Variants in ANKRD16 observed in about 807,000 individuals in gnomAD.
ANKRD16 encodes ankyrin repeat domain 16, also known as ankyrin repeat domain-containing protein 16.
In ANKRD16, 35 loss-of-function variants were observed where a neutral mutation model predicts 37.9. The observed-to-expected ratio is 0.92, with a 90% CI of 0.71 to 1.23. The LOEUF (loss-of-function observed/expected upper bound fraction) is 1.23. ANKRD16 is among the 50% of genes most tolerant of loss of function. ANKRD16 has a pLI of 0.00. For synonymous variants in ANKRD16, 206 were observed against 197.2 expected, an observed-to-expected ratio of 1.04 and a Z score of -0.37; for missense variants, 480 against 469.9, an observed-to-expected ratio of 1.02 and a Z score of -0.20.
rs187558401 is a variant in ANKRD16, at chr10:5,866,678, C to A, written c.*34-3987G>T. ...AACCCAAGGAGGTGGCAGTCTTACA[C>A]CGCCGAAGCCATCAAAAAGGGGAAG... On this transcript the variant is annotated intron_variant, in intron 7 of 7. Transcript: ENST00000380094. This position sits in a 1 kb window ranked among gnomAD's most constrained non-coding sequence, Gnocchi z 4.3. Among the ~76,000 whole-genome samples, 1,161 of 152,328 alleles carry A rather than the reference C, an allele frequency of 7.6e-3. 14 individuals are homozygous for A. The highest frequency in any genetic ancestry group is 0.027 in the African/African-American group (1,111 of 41,548).
Position 5,863,424 on chromosome 10 carries a change from C to T in ANKRD16, c.*34-733G>A, listed in dbSNP as rs1841968342. 6.6e-6 allele frequency among the ~76,000 whole-genome samples: 1 copy of T among 151,990 alleles called. No individual in the cohort carries two copies. The highest frequency in any genetic ancestry group is 2.1e-4 in the South Asian group (1 of 4,822). ...GTGTAGCTAAAGGATTGTAAATGCA[C>T]CAATCAGCACTCTGTAAAAATGTAC... On this transcript the variant is annotated intron_variant, in intron 7 of 7. Coordinates refer to ENST00000380094, the MANE Select transcript of ANKRD16 (RefSeq NM_019046.3). The surrounding 1 kb of genome is among the most constrained non-coding windows in gnomAD (Gnocchi z 4.7).
chr10:5,881,962 C>G (rs1417218560), intron 5 of ANKRD16, among the ~76,000 whole-genome samples: 3 of 152,074 alleles, frequency 2.0e-5, no homozygotes, highest in Non-Finnish European at 2.9e-5. Flanking sequence ...GCTGGGATTA[C>G]AGGCTTGAGC....
At chr10:5,884,149 T>A in intron 3 of ANKRD16, 72 bp from the exon 4 acceptor site, 1 of 1,148,160 alleles carries the variant, frequency 8.7e-7, no homozygotes, top group Non-Finnish European at 1.3e-6. Context: ...TGACACCTGA[T>A]CACCTGCAGG....
intron 1 of ANKRD16, 41 bp downstream of exon 1, chr10:5,889,000 G>A: frequency 2.7e-6 from 4 of 1,479,124 alleles, no homozygotes; most frequent in Non-Finnish European, 3.6e-6. Flanking sequence ...ACGACTCTGC[G>A]AGTAGAGGGG....
In ANKRD16 at chr10:5,865,748, C is replaced by T. The variant is rs1263580072; in HGVS notation, c.*34-3057G>A. The stretch of plus-strand genomic sequence containing the variant: ...TAGCCAAAGCTGGAGCTATTATCTA[C>T]ATGAATATGGGGAACGAGTTACTGA... On this transcript the variant is annotated intron_variant, in intron 7 of 7. Coordinates refer to ENST00000380094, the MANE Select transcript of ANKRD16 (RefSeq NM_019046.3). This position sits in a 1 kb window ranked among gnomAD's most constrained non-coding sequence, Gnocchi z 4.7. 6.6e-6 allele frequency among the ~76,000 whole-genome samples: 1 copy of T among 152,220 alleles called. No homozygotes were observed. Among genetic ancestry groups the T allele is most frequent in the African/African-American group, 2.4e-5 (1 of 41,456 alleles).
rs1362919447 is a variant in ANKRD16, at chr10:5,863,621, C to G, written c.*34-930G>C. Among the ~76,000 whole-genome samples the G allele has an allele frequency of 6.6e-6, 1 of 151,992 alleles. No individual in the cohort carries two copies. Among genetic ancestry groups the G allele is most frequent in the African/African-American group, 2.4e-5 (1 of 41,358 alleles). ...CAGCAGCAGCAACCCACTTGGGTCC[C>G]CTTCCACACTGTGGAAGCTTTGTTC... On this transcript the variant is annotated intron_variant, in intron 7 of 7. Coordinates refer to ENST00000380094, the MANE Select transcript of ANKRD16 (RefSeq NM_019046.3). The surrounding 1 kb of genome is among the most constrained non-coding windows in gnomAD (Gnocchi z 4.7).
At chr10:5,884,168 G>A (rs7919785) in intron 3 of ANKRD16, 91 bp from the exon 4 acceptor site, 407,727 of 909,292 alleles carry the variant, frequency 0.45, 96,235 homozygotes, top group African/African-American at 0.56. Context: ...GGTGAACTGC[G>A]TGTGTGCAAA....
At chr10:5,888,918 G>T (rs948836999) in intron 1 of ANKRD16, 123 bp downstream of exon 1, 1 of 1,120,914 alleles carries the variant, frequency 8.9e-7, no homozygotes, top group Non-Finnish European at 1.2e-6. Flanking sequence ...CGCTGAGCAG[G>T]CCTGGGGTGA....
chr10:5,889,320 C>G lies in ANKRD16; in HGVS notation c.35G>C (p.Arg12Thr). ...AQPGDPRRLC[R>T]LVQEGRLRAL... is the part of the protein sequence containing the mutation. Reference sequence around the variant, plus strand: ...GCGCAGCCGGCCCTCCTGCACCAGCCTGCAGAGGCGCCGCGGGTCCCCGGG... The same window carrying G: ...GCGCAGCCGGCCCTCCTGCACCAGCGTGCAGAGGCGCCGCGGGTCCCCGGG... Residue 12 changes from arginine to threonine, a missense_variant, in exon 1 of 8, where the codon AGG (arginine) becomes ACG (threonine). Physicochemically the swap from Arg to Thr is moderately conservative, Grantham distance 71 (BLOSUM62 -1). Transcript: ENST00000380094. 7.8e-7 allele frequency: 1 copy of G among 1,274,392 alleles called. No homozygotes were observed. Among genetic ancestry groups the G allele is most frequent in the South Asian group, 2.8e-5 (1 of 35,800 alleles). 78.9% of individuals were successfully genotyped at this position (1,274,392 alleles called of 1,614,324 possible).
chr10:5,881,497 A>C (rs1842316468), intron 5 of ANKRD16, among the ~76,000 whole-genome samples: 1 of 105,658 alleles, frequency 9.5e-6, no homozygotes, highest in Non-Finnish European at 1.9e-5. Flanking sequence ...ATGTAGTCTC[A>C]CTCTGTTGCT....
In ANKRD16 at chr10:5,889,785, G is replaced by A. The variant is rs1032319461; in HGVS notation, c.-431C>T. 1.9e-5 allele frequency: 3 copies of A among 156,550 alleles called. No homozygotes were observed. Among genetic ancestry groups the A allele is most frequent in the Non-Finnish European group, 4.2e-5 (3 of 71,166 alleles). 9.7% of individuals were successfully genotyped at this position (156,550 alleles called of 1,614,324 possible). On this transcript the variant is annotated 5_prime_UTR_variant, in exon 1 of 8. Transcript: ENST00000380094. Reference sequence around the variant, plus strand: ...CCGCTACACCGCAAAGCCCCAAAGTGGAGGGTCCGGGAGGGCGCGCACAGC... The same window carrying A: ...CCGCTACACCGCAAAGCCCCAAAGTAGAGGGTCCGGGAGGGCGCGCACAGC...
In ANKRD16 at chr10:5,889,385, G is replaced by C. The variant is rs192437556; in HGVS notation, c.-31C>G. On this transcript the variant is annotated 5_prime_UTR_variant, in exon 1 of 8. Transcript: ENST00000380094. ...CGGGTCGGGCCGGGCTGCGCGGGGA[G>C]GCGGCGGGCGGGACACCGGCGGCCG... 1.7e-6 allele frequency: 2 copies of C among 1,185,344 alleles called. No individual in the cohort carries two copies. The highest frequency in any genetic ancestry group is 2.1e-6 in the Non-Finnish European group (2 of 959,454). The allele number at this position is 1,185,344 out of a possible 1,614,324, so 73.4% of individuals were successfully genotyped here.
At chr10:5,886,360 G>A (rs1370922220) in intron 2 of ANKRD16, among the ~76,000 whole-genome samples, 2 of 152,230 alleles carry the variant, frequency 1.3e-5, no homozygotes, top group Non-Finnish European at 2.9e-5. Context: ...GGAGGCCAAG[G>A]TGGGTGGATC....
rs1363239987 is a variant in ANKRD16 at position 5,866,182 on chromosome 10, T to C, written c.*34-3491A>G. Among the ~76,000 whole-genome samples, 1 of 152,134 alleles carries C rather than the reference T, an allele frequency of 6.6e-6. No homozygotes were observed. Among genetic ancestry groups the C allele is most frequent in the East Asian group, 1.9e-4 (1 of 5,196 alleles). On this transcript the variant is annotated intron_variant, in intron 7 of 7. Coordinates refer to ENST00000380094, the MANE Select transcript of ANKRD16 (RefSeq NM_019046.3). The surrounding 1 kb of genome is among the most constrained non-coding windows in gnomAD (Gnocchi z 4.3). ...CAGGCACTACTCCTTGAGGGACCAG[T>C]GCTTCAAATACATACGTGTGCGGCC...
intron 6 of ANKRD16, among the ~76,000 whole-genome samples, chr10:5,879,548 C>T (rs1842250913): frequency 6.6e-6 from 1 of 151,560 alleles, no homozygotes; most frequent in African/African-American, 2.4e-5. Context: ...TTTTAAAGTC[C>T]AAGTCTAAAG....
chr10:5,883,554 C>T (rs1842355839), intron 4 of ANKRD16, among the ~76,000 whole-genome samples: 1 of 152,168 alleles, frequency 6.6e-6, no homozygotes, highest in South Asian at 2.1e-4. Flanking sequence ...TTTGGCCTCC[C>T]AAAGTGCTGG....
intron 7 of ANKRD16, among the ~76,000 whole-genome samples, chr10:5,876,468 C>A (rs747637790): frequency 6.6e-6 from 1 of 152,140 alleles, no homozygotes; most frequent in Admixed American, 6.5e-5. Context: ...CACCTGTACA[C>A]GTGAAATAGC....
At chr10:5,881,135 T>C in intron 5 of ANKRD16, 2 of 897,102 alleles carry the variant, frequency 2.2e-6, no homozygotes, top group Non-Finnish European at 2.7e-6. Context: ...TGTATCATTC[T>C]CAATTCTAAT....
At chr10:5,883,198 G>T in intron 4 of ANKRD16, 31 bp from the exon 5 acceptor site, 1 of 1,603,722 alleles carries the variant, frequency 6.2e-7, no homozygotes, top group Non-Finnish European at 8.5e-7. Context: ...AGGAGCAAAG[G>T]TCAAAGATAA....
Sources: gnomAD v4.1 joint callset for allele counts (sites outside exome capture counted in the v4.1 genomes callset) on GRCh38, gnomAD v4.1.1 for gene constraint, Gnocchi (gnomAD v3.1) non-coding constraint, MANE v1.5 for transcripts, NCBI Gene and HGNC (gene_info 2026-07-23, HGNC 2026-07-21) for gene names.